LYPLA2: variants seen among roughly 807,000 people sequenced by gnomAD.
The protein encoded by LYPLA2 is lysophospholipase 2.
In LYPLA2, 7 loss-of-function variants were observed where a neutral mutation model predicts 30.3. That is an observed-to-expected ratio of 0.23 (90% CI 0.13 to 0.43). LYPLA2 has a LOEUF of 0.43. LYPLA2 is among the 20% of genes least tolerant of loss of function. The probability of loss-of-function intolerance (pLI) is 1.00; values close to 1 mark genes in which losing one functional copy is unlikely to be tolerated. For synonymous variants in LYPLA2, 112 were observed against 118.2 expected (o/e 0.95, Z 0.34); for missense variants, 206 against 307.9 (o/e 0.67, Z 2.48).
In LYPLA2 at chr1:23,794,076, T is replaced by G. The variant is rs1638864346; in HGVS notation, c.309T>G (p.Ile103Met). The change falls in exon 7 of 10, where the codon ATT (isoleucine) becomes ATG (methionine). Residue 103 changes from isoleucine (I) to methionine (M), a missense_variant. Physicochemically the swap from Ile to Met is conservative, Grantham distance 10. Transcript: ENST00000374514. The surrounding 1 kb of genome is among the most constrained non-coding windows in gnomAD (Gnocchi z 5.9). ...CCCCTCCCCCAGTCAAGGCCTTGAT[T>G]GAGCATGAAATGAAGAACGGGATCC... ...KKAAENIKAL[I>M]EHEMKNGIPA... is the part of the protein sequence containing the mutation. 1 of 1,609,066 alleles carries G rather than the reference T, an allele frequency of 6.2e-7. No homozygotes were observed.
chr1:23,793,128 CT>C lies in LYPLA2; in HGVS notation c.111-19del. The stretch of plus-strand genomic sequence containing the variant: ...CCTTCTCTTCCTACCACATCGGAGC[CT>C]TTTCTCCCGTCCCTCCTACAGGCAC... On this transcript the variant is annotated intron_variant, in intron 3 of 9. Coordinates refer to ENST00000374514, the MANE Select transcript of LYPLA2 (RefSeq NM_007260.3). The surrounding 1 kb of genome is among the most constrained non-coding windows in gnomAD (Gnocchi z 6.0). The C allele has an allele frequency of 6.2e-7, 1 of 1,614,002 alleles. No homozygotes were observed.
rs1314040173 is a variant in LYPLA2 at position 23,795,534 on chromosome 1, CCT to C, written c.*804_*805del. ...TCCGATAAAATTAAAGAAATTGCTT[CCT>C]CAACGCTCAGGCCTGGCTGATTCTA... On this transcript the variant is annotated 3_prime_UTR_variant, in exon 10 of 10. Coordinates refer to ENST00000374514, the MANE Select transcript of LYPLA2 (RefSeq NM_007260.3). 1 of 245,516 alleles carries C rather than the reference CCT, an allele frequency of 4.1e-6. No homozygotes were observed. Among genetic ancestry groups the C allele is most frequent in the Non-Finnish European group, 8.0e-6 (1 of 125,250 alleles). The allele number at this position is 245,516 out of a possible 1,614,324, so 15.2% of individuals were successfully genotyped here. A position where few individuals can be genotyped will look rare whatever the true frequency, so the allele number is the denominator to read the frequency against.
At chr1:23,792,841 G>A (rs1397003819) in intron 2 of LYPLA2, 81 bp downstream of exon 2, 2 of 1,388,720 alleles carry the variant, frequency 1.4e-6, no homozygotes, top group Admixed American at 3.4e-5. Flanking sequence ...GAAAATGGAG[G>A]TGGCAGTGAT....
intron 2 of LYPLA2, 109 bp from the exon 3 acceptor site, chr1:23,792,899 T>C: frequency 2.6e-6 from 3 of 1,169,286 alleles, no homozygotes; most frequent in South Asian, 2.6e-5. Context: ...GTAACCTGTT[T>C]GGCTGCTACC....
chr1:23,792,456 A>G (rs1183410353), intron 1 of LYPLA2: 1 of 563,186 alleles, frequency 1.8e-6, no homozygotes, highest in Non-Finnish European at 3.2e-6. Context: ...GTTCTGGGCC[A>G]CTAGGGAGGC....
chr1:23,792,274 A>T (rs954750433), intron 1 of LYPLA2, among the ~76,000 whole-genome samples: 1 of 152,016 alleles, frequency 6.6e-6, no homozygotes, highest in Non-Finnish European at 1.5e-5. Flanking sequence ...GCAGGGACCC[A>T]GGGATGATTG....
Position 23,793,228 on chromosome 1 carries a change from C to G in LYPLA2, c.176+12C>G. ...ATCTGTCCCCATGCGTGAGTGTCAC[C>G]CCAGCAAGGGAGGGGCTGAGGCTGG... On this transcript the variant is annotated intron_variant, in intron 4 of 9. Coordinates refer to ENST00000374514, the MANE Select transcript of LYPLA2 (RefSeq NM_007260.3). This position sits in a 1 kb window ranked among gnomAD's most constrained non-coding sequence, Gnocchi z 6.0. The G allele has an allele frequency of 6.2e-7, 1 of 1,612,806 alleles. No individual in the cohort carries two copies. The highest frequency in any genetic ancestry group is 8.5e-7 in the Non-Finnish European group (1 of 1,179,506).
chr1:23,793,633 C>T lies in LYPLA2; in HGVS notation c.177-72C>T, dbSNP rs1638846559. On this transcript the variant is annotated intron_variant, in intron 4 of 9. Transcript: ENST00000374514. This position sits in a 1 kb window ranked among gnomAD's most constrained non-coding sequence, Gnocchi z 6.0. ...GGGGCCACCAGGGGCGGCGCGGCCC[C>T]ACTCCGGGCTCTGAGCTCTGGCCTC... The T allele has an allele frequency of 2.0e-6, 3 of 1,517,134 alleles. No homozygotes were observed. Among genetic ancestry groups the T allele is most frequent in the Non-Finnish European group, 2.7e-6 (3 of 1,091,864 alleles). The allele number at this position is 1,517,134 out of a possible 1,614,324, so 94.0% of individuals were successfully genotyped here. A position where few individuals can be genotyped will look rare whatever the true frequency, so the allele number is the denominator to read the frequency against.
At position 23,793,559 on chromosome 1, in the gene LYPLA2, G is replaced by A. The variant is rs894490131; in HGVS notation, c.177-146G>A. On this transcript the variant is annotated intron_variant, in intron 4 of 9. Transcript: ENST00000374514. The surrounding 1 kb of genome is among the most constrained non-coding windows in gnomAD (Gnocchi z 6.0). ...CCCCAACCACAGCCTCCAGCCCCAC[G>A]TGGCAGGTTGCCTGGCAACACCTTA... 10 of 806,528 alleles carry A rather than the reference G, an allele frequency of 1.2e-5. No individual in the cohort carries two copies. Among genetic ancestry groups the A allele is most frequent in the Non-Finnish European group, 1.9e-5 (9 of 470,396 alleles). The allele number at this position is 806,528 out of a possible 1,614,324, so 50.0% of individuals were successfully genotyped here.
rs1638780758 is a variant in LYPLA2 at position 23,791,146 on chromosome 1, G to C, written c.-131G>C. The C allele has an allele frequency of 6.5e-6, 1 of 152,774 alleles. No individual in the cohort carries two copies. The highest frequency in any genetic ancestry group is 2.1e-4 in the South Asian group (1 of 4,842). 9.5% of individuals were successfully genotyped at this position (152,774 alleles called of 1,614,324 possible). On this transcript the variant is annotated 5_prime_UTR_variant, in exon 1 of 10. Coordinates refer to ENST00000374514, the MANE Select transcript of LYPLA2 (RefSeq NM_007260.3). ...CGGCAGCGCGATGGCTGGGTTCCCG[G>C]GACTCGAACGGAAGTTCCGGCGGGG... is the stretch of plus-strand genomic sequence containing the variant.
chr1:23,791,484 G>A (rs1353185922), intron 1 of LYPLA2, among the ~76,000 whole-genome samples: 1 of 152,090 alleles, frequency 6.6e-6, no homozygotes, highest in African/African-American at 2.4e-5. Context: ...TGTGGGGCGG[G>A]GGCTTCCCCA....
chr1:23,794,891 G>T lies in LYPLA2; in HGVS notation c.*159G>T. On this transcript the variant is annotated 3_prime_UTR_variant, in exon 10 of 10. Coordinates refer to ENST00000374514, the MANE Select transcript of LYPLA2 (RefSeq NM_007260.3). This position sits in a 1 kb window ranked among gnomAD's most constrained non-coding sequence, Gnocchi z 5.9. ...GGGGCAGGTGGCAAGGCCTGGCCGG[G>T]CCTTCCTTCCTGGCCTTAGCCACCT... The T allele has an allele frequency of 2.3e-6, 2 of 861,632 alleles. No homozygotes were observed. Among genetic ancestry groups the T allele is most frequent in the Non-Finnish European group, 3.8e-6 (2 of 522,358 alleles). 53.4% of individuals were successfully genotyped at this position (861,632 alleles called of 1,614,324 possible). A position where few individuals can be genotyped will look rare whatever the true frequency, so the allele number is the denominator to read the frequency against.
rs534365460 is a variant in LYPLA2 at position 23,795,329 on chromosome 1, G to A, written c.*597G>A. On this transcript the variant is annotated 3_prime_UTR_variant, in exon 10 of 10. Coordinates refer to ENST00000374514, the MANE Select transcript of LYPLA2 (RefSeq NM_007260.3). ...CTGGGGGGCTGGGCCCTGCCTCCCC[G>A]TTACCCTCCTTCCCTGCAGGCCTGG... The A allele has an allele frequency of 2.4e-3, 543 of 223,788 alleles. 2 individuals are homozygous for A. The highest frequency in any genetic ancestry group is 7.2e-3 in the Middle Eastern group (4 of 556). The allele number at this position is 223,788 out of a possible 1,614,324, so 13.9% of individuals were successfully genotyped here.
At position 23,794,757 on chromosome 1, in the gene LYPLA2, C is replaced by T. The variant is rs1638893722; in HGVS notation, c.*25C>T. On this transcript the variant is annotated 3_prime_UTR_variant, in exon 10 of 10. Coordinates refer to ENST00000374514, the MANE Select transcript of LYPLA2 (RefSeq NM_007260.3). The surrounding 1 kb of genome is among the most constrained non-coding windows in gnomAD (Gnocchi z 5.9). ...ACTAGTCGCTGGCCCCAGTGCAGTA[C>T]CCCAGCTCATGGGGGACTCAGCAAG... The T allele has an allele frequency of 6.2e-7, 1 of 1,613,372 alleles. No individual in the cohort carries two copies. The highest frequency in any genetic ancestry group is 8.5e-7 in the Non-Finnish European group (1 of 1,179,422).
Position 23,792,649 on chromosome 1 carries a change from G to A in LYPLA2, c.-26-8G>A, listed in dbSNP as rs375336678. The A allele has an allele frequency of 3.0e-5, 48 of 1,600,400 alleles. No homozygotes were observed. The highest frequency in any genetic ancestry group is 3.4e-6 in the Non-Finnish European group (4 of 1,170,458). On this transcript the variant is annotated splice_polypyrimidine_tract_variant and splice_region_variant and intron_variant, in intron 1 of 9. Transcript: ENST00000374514. ...TTTTGCTCTTGACCGCCGCCCCGATGTATGCAGGCCCCCGCCGTGGAGCCG... is the reference window on the plus strand; with the variant it reads ...TTTTGCTCTTGACCGCCGCCCCGATATATGCAGGCCCCCGCCGTGGAGCCG...
At chr1:23,792,971 AAGCCTT>A in intron 2 of LYPLA2, 31 bp from the exon 3 acceptor site, 1 of 1,599,026 alleles carries the variant, frequency 6.3e-7, no homozygotes, top group Non-Finnish European at 8.5e-7. Flanking sequence ...GACCTAGGGG[AAGCCTT>A]CCTGTCTCCC....
In LYPLA2 at chr1:23,794,370, C is replaced by T. The variant is rs758170969; in HGVS notation, c.471+45C>T. ...CCCCCGCCCTTTGTGTCTGCATCCTCGTGGCTTGGGGACTGCTGCAGCACT... is the reference window on the plus strand; with the variant it reads ...CCCCCGCCCTTTGTGTCTGCATCCTTGTGGCTTGGGGACTGCTGCAGCACT... On this transcript the variant is annotated intron_variant, in intron 8 of 9. Coordinates refer to ENST00000374514, the MANE Select transcript of LYPLA2 (RefSeq NM_007260.3). The surrounding 1 kb of genome is among the most constrained non-coding windows in gnomAD (Gnocchi z 5.9). 2.3e-5 allele frequency: 37 copies of T among 1,601,090 alleles called. No individual in the cohort carries two copies. The highest frequency in any genetic ancestry group is 3.3e-5 in the South Asian group (3 of 90,618).
chr1:23,792,819 G>T, intron 2 of LYPLA2, 59 bp downstream of exon 2: 1 of 1,491,652 alleles, frequency 6.7e-7, no homozygotes, highest in Non-Finnish European at 9.3e-7. Context: ...GGACCGGCTG[G>T]AGGGGGTGTG....
intron 1 of LYPLA2, among the ~76,000 whole-genome samples, chr1:23,791,479 G>A (rs1415303571): frequency 1.3e-5 from 2 of 152,184 alleles, no homozygotes; most frequent in African/African-American, 4.8e-5. Context: ...CCCATTGTGG[G>A]GCGGGGGCTT....
Sources: gnomAD v4.1 joint callset for allele counts (sites outside exome capture counted in the v4.1 genomes callset) on GRCh38, gnomAD v4.1.1 for gene constraint, Gnocchi (gnomAD v3.1) non-coding constraint, MANE v1.5 for transcripts, NCBI Gene and HGNC (gene_info 2026-07-23, HGNC 2026-07-21) for gene names.